Variants in BTBD1 observed in about 807,000 individuals in gnomAD.
BTBD1 encodes BTB domain containing 1.
A neutral mutation model predicts 48.0 loss-of-function variants in BTBD1; 34 were observed. The observed-to-expected ratio is 0.71, with a 90% CI of 0.54 to 0.94. The LOEUF is 0.94. BTBD1 is among the 40% of genes least tolerant of loss of function. The pLI is 0.00. For synonymous variants in BTBD1, 261 were observed against 242.1 expected (o/e 1.08, Z -0.72); for missense variants, 543 against 625.6 (o/e 0.87, Z 1.41).
At chr15:83,019,352 C>T (rs1389827256) in intron 6 of BTBD1, among the ~76,000 whole-genome samples, 2 of 151,770 alleles carry the variant, frequency 1.3e-5, no homozygotes, top group Non-Finnish European at 2.9e-5. Context: ...TGCGCCCAGC[C>T]CTAATTTTTC....
chr15:83,045,677 T>TA (rs1032633799), intron 3 of BTBD1, among the ~76,000 whole-genome samples: 2 of 152,158 alleles, frequency 1.3e-5, no homozygotes, highest in Non-Finnish European at 2.9e-5. Context: ...TAATTTTTTT[T>TA]AAAAATCAAA....
chr15:83,034,498 C>A (rs1255957174), intron 4 of BTBD1, among the ~76,000 whole-genome samples: 1 of 152,152 alleles, frequency 6.6e-6, no homozygotes, highest in Non-Finnish European at 1.5e-5. Flanking sequence ...CATGTAGTCC[C>A]AGCTACTAAG....
intron 4 of BTBD1, among the ~76,000 whole-genome samples, chr15:83,040,175 T>C (rs1269574104): frequency 6.6e-6 from 1 of 151,992 alleles, no homozygotes; most frequent in African/African-American, 2.4e-5. Flanking sequence ...AAGCTAAACA[T>C]TGGATACACA....
chr15:83,053,181 A>G (rs898854404), intron 2 of BTBD1, among the ~76,000 whole-genome samples: 2 of 152,140 alleles, frequency 1.3e-5, no homozygotes, highest in African/African-American at 4.8e-5. Flanking sequence ...ACTTCATAAA[A>G]AGTGTTTTTC....
intron 4 of BTBD1, among the ~76,000 whole-genome samples, chr15:83,035,162 C>T (rs1416758921): frequency 2.0e-5 from 3 of 151,928 alleles, no homozygotes; most frequent in South Asian, 4.2e-4. Flanking sequence ...AGCGTGGCAC[C>T]GCATGCCTGT....
At chr15:83,020,597 G>T in intron 6 of BTBD1, 78 bp downstream of exon 6, 1 of 955,486 alleles carries the variant, frequency 1.0e-6, no homozygotes, top group Non-Finnish European at 1.6e-6. Context: ...TTGAAATTTG[G>T]ATTCTGTCAA....
At chr15:83,045,518 CAAAA>C (rs200876757) in intron 3 of BTBD1, among the ~76,000 whole-genome samples, 7 of 151,370 alleles carry the variant, frequency 4.6e-5, no homozygotes, top group Middle Eastern at 3.4e-3. Context: ...AACAAACAAA[CAAAA>C]AAAAACTTTT....
At chr15:83,042,459 A>G (rs573988172) in intron 3 of BTBD1, among the ~76,000 whole-genome samples, 5 of 149,948 alleles carry the variant, frequency 3.3e-5, no homozygotes, top group African/African-American at 1.2e-4. Flanking sequence ...TCTCGGCTCA[A>G]TGCAACCTCT....
At chr15:83,043,472 A>G (rs576352359) in intron 3 of BTBD1, among the ~76,000 whole-genome samples, 1 of 152,274 alleles carries the variant, frequency 6.6e-6, no homozygotes, top group South Asian at 2.1e-4. Context: ...CTGAGTTGTC[A>G]CATTTTATGT....
At chr15:83,020,941 T>A (rs951243360) in intron 5 of BTBD1, 179 bp from the exon 6 acceptor site, 2 of 492,296 alleles carry the variant, frequency 4.1e-6, no homozygotes, top group African/African-American at 2.0e-5. Context: ...TAGAGCAGAT[T>A]TGAACTTAAG....
chr15:83,055,883 A>T (rs1250980147), intron 2 of BTBD1, among the ~76,000 whole-genome samples: 1 of 152,056 alleles, frequency 6.6e-6, no homozygotes, highest in Non-Finnish European at 1.5e-5. Flanking sequence ...ACAACACCCC[A>T]CTTATATGTA....
At chr15:83,055,456 C>T (rs1279205418) in intron 2 of BTBD1, among the ~76,000 whole-genome samples, 2 of 152,122 alleles carry the variant, frequency 1.3e-5, no homozygotes, top group Non-Finnish European at 2.9e-5. Context: ...CTGGGTTTTG[C>T]CTTGTTGGCC....
At chr15:83,061,111 A>G (rs901732764) in intron 1 of BTBD1, among the ~76,000 whole-genome samples, 9 of 152,206 alleles carry the variant, frequency 5.9e-5, no homozygotes, top group Non-Finnish European at 1.0e-4. Context: ...GCACTCACAT[A>G]AATCTCAATG....
At chr15:83,058,161 C>G (rs1013746805) in intron 1 of BTBD1, among the ~76,000 whole-genome samples, 1 of 152,234 alleles carries the variant, frequency 6.6e-6, no homozygotes, top group Non-Finnish European at 1.5e-5. Flanking sequence ...TTACTTCCAA[C>G]TGCTAGCCAA....
At chr15:83,066,661 C>A in intron 1 of BTBD1, 90 bp downstream of exon 1, 1 of 1,256,010 alleles carries the variant, frequency 8.0e-7, no homozygotes, top group South Asian at 2.8e-5. Context: ...CAAGGTCATC[C>A]GGGAGTCCGG....
chr15:83,059,838 C>T (rs2033148663), intron 1 of BTBD1, among the ~76,000 whole-genome samples: 1 of 152,188 alleles, frequency 6.6e-6, no homozygotes, highest in Non-Finnish European at 1.5e-5. Flanking sequence ...GCAATCCTCC[C>T]GCCTCAGCCT....
intron 5 of BTBD1, among the ~76,000 whole-genome samples, chr15:83,025,778 CT>C (rs1011850516): frequency 1.3e-5 from 2 of 150,636 alleles, no homozygotes; most frequent in African/African-American, 4.9e-5. Flanking sequence ...ACCATTTTTT[CT>C]TTTTTTTTGA....
At chr15:83,040,573 G>A (rs62010170) in intron 4 of BTBD1, among the ~76,000 whole-genome samples, 28,967 of 151,404 alleles carry the variant, frequency 0.19, 2,975 homozygotes, top group Non-Finnish European at 0.22. Context: ...GGCGGTGCAC[G>A]CCTGTAATCC....
chr15:83,051,808 C>A (rs539715852), intron 2 of BTBD1, among the ~76,000 whole-genome samples: 41 of 148,628 alleles, frequency 2.8e-4, no homozygotes, highest in African/African-American at 1.0e-3. Flanking sequence ...ACCCATATAC[C>A]CTTTATCCAG....
Sources: allele counts gnomAD v4.1 joint callset (sites outside exome capture counted in the v4.1 genomes callset), GRCh38; gene constraint gnomAD v4.1.1; transcripts MANE v1.5; gene names NCBI Gene and HGNC (gene_info 2026-07-23, HGNC 2026-07-21).